PDE4A: variants seen among roughly 807,000 people sequenced by gnomAD.
The protein encoded by PDE4A is phosphodiesterase 4A.
In PDE4A, 21 loss-of-function variants were observed where a neutral mutation model predicts 73.9. That is an observed-to-expected ratio of 0.28 (90% CI 0.20 to 0.41). The LOEUF (loss-of-function observed/expected upper bound fraction) is 0.41. Among genes scored for constraint, PDE4A ranks in the 10% least tolerant of loss-of-function variants. The pLI, the probability that PDE4A is intolerant of heterozygous loss-of-function variation, is 1.00. For missense variants in PDE4A, 958 were observed against 1,211.4 expected, an observed-to-expected ratio of 0.79 and a Z score of 3.10; for synonymous variants, 463 against 505.4, an observed-to-expected ratio of 0.92 and a Z score of 1.13.
At chr19:10,417,292 G>A (rs2042597391), upstream of PDE4A, 1 of 984,926 alleles carries the variant, frequency 1.0e-6, no homozygotes, top group Admixed American at 6.2e-5. Flanking sequence ...TGTGAGGGAT[G>A]GGAGGGGGGC....
At position 10,446,730 on chromosome 19, in the gene PDE4A, G is replaced by A. The variant is rs139925281; in HGVS notation, c.512+321G>A. On this transcript the variant is annotated intron_variant, in intron 2 of 14. Coordinates refer to ENST00000380702, the MANE Select transcript of PDE4A (RefSeq NM_001111307.2). ...CTGCCTCAGCCTCCCGAGTAGCTGG[G>A]ACTACAGGCACCAGCCATCATGCCT... 5.3e-5 allele frequency among the ~76,000 whole-genome samples: 8 copies of A among 152,204 alleles called. No homozygotes were observed. In the East Asian group the frequency reaches 1.5e-3, roughly 29 times the overall value.
At chr19:10,466,838 A>G (rs200767098) in intron 14 of PDE4A, 49 bp from the exon 15 acceptor site, 2 of 1,573,908 alleles carry the variant, frequency 1.3e-6, no homozygotes, top group Non-Finnish European at 1.7e-6. Context: ...ATGTGGTGGT[A>G]TCATCCACCC....
chr19:10,418,012 C>T (rs1171625112), upstream of PDE4A: 9 of 904,914 alleles, frequency 9.9e-6, no homozygotes, highest in South Asian at 6.7e-5. Flanking sequence ...GGCTGTGACA[C>T]CCCTACCCCA....
intron 14 of PDE4A, among the ~76,000 whole-genome samples, chr19:10,464,829 A>AC (rs1040173100): frequency 3.4e-5 from 5 of 147,826 alleles, no homozygotes; most frequent in African/African-American, 1.3e-4. Flanking sequence ...ATGATCCTCC[A>AC]CCCCCGCCTC....
intron 1 of PDE4A, chr19:10,423,317 C>G (rs2042675152): frequency 1.1e-5 from 2 of 176,924 alleles, no homozygotes; most frequent in African/African-American, 4.8e-5. Flanking sequence ...CACCACCACA[C>G]CTGACTAATT....
At chr19:10,428,509 C>T (rs2042747098) in intron 1 of PDE4A, among the ~76,000 whole-genome samples, 1 of 152,148 alleles carries the variant, frequency 6.6e-6, no homozygotes, top group Admixed American at 6.5e-5. Context: ...ATCATCTATA[C>T]CCTCTAGCTA....
intron 1 of PDE4A, among the ~76,000 whole-genome samples, chr19:10,437,770 T>C (rs530649264): frequency 6.6e-6 from 1 of 150,876 alleles, no homozygotes; most frequent in African/African-American, 2.4e-5. Flanking sequence ...ACATTCACAT[T>C]GTTGTGCAAC....
upstream of PDE4A, chr19:10,417,903 G>A (rs1398929255): frequency 9.2e-6 from 14 of 1,530,042 alleles, no homozygotes; most frequent in African/African-American, 4.1e-5. Context: ...GGTGGGTTGG[G>A]GAGGCACAGT....
At chr19:10,418,881 C>T, upstream of PDE4A, 1 of 984,268 alleles carries the variant, frequency 1.0e-6, no homozygotes, top group Non-Finnish European at 1.2e-6. Flanking sequence ...CCCTAGAAGC[C>T]GTTTTGAGTG....
rs373772901 is a variant in PDE4A, at chr19:10,446,225, G to A, written c.328G>A (p.Ala110Thr). Residue 110 changes from alanine to threonine, a missense_variant, in exon 2 of 15, where the codon GCA (alanine) becomes ACA (threonine). By Grantham distance (58) the Ala-to-Thr change is moderately conservative. Transcript: ENST00000380702. ...CTCGCCCATCCCCTGCAGCTTCGAG[G>A]CAGAGAATGGGCCGACACCATCTCC... ...AGGGSSRRFE[A>T]ENGPTPSPGR... is the part of the protein sequence containing the mutation. 4 of 1,570,560 alleles carry A rather than the reference G, an allele frequency of 2.5e-6. No homozygotes were observed. The African/African-American group carries it at 5.4e-5, about 21-fold the overall frequency.
chr19:10,432,412 C>T, intron 1 of PDE4A: 1 of 1,393,966 alleles, frequency 7.2e-7, no homozygotes, highest in Non-Finnish European at 9.3e-7. Flanking sequence ...CCATGCGCGC[C>T]CCGACGACGG....
chr19:10,449,179 TG>T (rs1241091110), intron 4 of PDE4A, 29 bp downstream of exon 4: 2 of 1,608,910 alleles, frequency 1.2e-6, no homozygotes, highest in Non-Finnish European at 1.7e-6. Context: ...GCAACAGCTG[TG>T]ATCATAAGGT....
At position 10,420,919 on chromosome 19, in the gene PDE4A, C is replaced by T. The variant is rs1412756226; in HGVS notation, c.155C>T (p.Ala52Val). The change falls in exon 1 of 15, where the codon GCG becomes GTG. Residue 52 changes from alanine to valine, a missense_variant. Ala to Val is a moderately conservative substitution (Grantham distance 64). Transcript: ENST00000380702. This position sits in a 1 kb window ranked among gnomAD's most constrained non-coding sequence, Gnocchi z 6.0. Reference sequence around the variant, plus strand: ...CAGCAGCGCGGCTACTCCGACAGCGCGGAGCGCGCCGAGCGGGAGCGGCAG... The same window carrying T: ...CAGCAGCGCGGCTACTCCGACAGCGTGGAGCGCGCCGAGCGGGAGCGGCAG... ...RIQQRGYSDS[A>V]ERAERERQPH... is the part of the protein sequence containing the mutation. 1.3e-6 allele frequency: 2 copies of T among 1,581,460 alleles called. No homozygotes were observed. The highest frequency in any genetic ancestry group is 1.7e-6 in the Non-Finnish European group (2 of 1,172,958).
chr19:10,448,205 T>C (rs942616560), intron 2 of PDE4A, among the ~76,000 whole-genome samples: 1 of 151,362 alleles, frequency 6.6e-6, no homozygotes, highest in African/African-American at 2.4e-5. Flanking sequence ...GTTCAAGGGA[T>C]TCTCCTGCCT....
chr19:10,462,009 C>T lies in PDE4A; in HGVS notation c.1743+10C>T, dbSNP rs747369246. On this transcript the variant is annotated intron_variant, in intron 13 of 14. Coordinates refer to ENST00000380702, the MANE Select transcript of PDE4A (RefSeq NM_001111307.2). ...CTCCGACCGCATCCAGGTGCCCCCA[C>T]GCCCCATCATCTAAGGAGGGAGGAC... is the stretch of plus-strand genomic sequence containing the variant. 1.9e-6 allele frequency: 3 copies of T among 1,608,934 alleles called. No homozygotes were observed. Among genetic ancestry groups the T allele is most frequent in the East Asian group, 2.2e-5 (1 of 44,870 alleles).
At chr19:10,435,079 C>T (rs745422534) in intron 1 of PDE4A, among the ~76,000 whole-genome samples, 3 of 151,906 alleles carry the variant, frequency 2.0e-5, no homozygotes, top group Non-Finnish European at 4.4e-5. Flanking sequence ...CCCCCGCCCC[C>T]GCTCCCTAGC....
upstream of PDE4A, chr19:10,419,969 C>G (rs1008830935): frequency 6.5e-6 from 1 of 152,768 alleles, no homozygotes; most frequent in Non-Finnish European, 1.5e-5. Flanking sequence ...TGCGCACACA[C>G]ACTTCCAGCC....
chr19:10,463,876 C>T lies in PDE4A; in HGVS notation c.1827C>T (p.Ile609=), dbSNP rs993050875. 1.2e-6 allele frequency: 2 copies of T among 1,614,054 alleles called. No individual in the cohort carries two copies. Among genetic ancestry groups the T allele is most frequent in the African/African-American group, 2.7e-5 (2 of 74,924 alleles). The change falls in exon 14 of 15, where the codon ATC becomes ATT. Residue 609 remains isoleucine, a synonymous_variant. Coordinates refer to ENST00000380702, the MANE Select transcript of PDE4A (RefSeq NM_001111307.2). ...TGTACCGCCAGTGGACAGACCGCAT[C>T]ATGGCCGAGTTCTTCCAGCAGGGTG... ...LELYRQWTDR[I]MAEFFQQGDR... is the part of the protein sequence containing the mutation.
At position 10,459,675 on chromosome 19, in the gene PDE4A, C is replaced by T. The variant is rs1319367174; in HGVS notation, c.1281C>T (p.His427=). The T allele has an allele frequency of 7.4e-6, 12 of 1,614,102 alleles. No individual in the cohort carries two copies. Among genetic ancestry groups the T allele is most frequent in the African/African-American group, 1.3e-5 (1 of 74,944 alleles). Residue 427 remains histidine, a synonymous_variant, in exon 10 of 15, where the codon CAC becomes CAT. Transcript: ENST00000380702. ...TGCTGACGCTGGAGGATCACTACCA[C>T]GCTGACGTGGCCTACCATAACAGCC... ...TYMLTLEDHY[H]ADVAYHNSLH...
Sources: allele counts gnomAD v4.1 joint callset (sites outside exome capture counted in the v4.1 genomes callset), GRCh38; gene constraint gnomAD v4.1.1; non-coding constraint Gnocchi (gnomAD v3.1); transcripts MANE v1.5; gene names NCBI Gene and HGNC (gene_info 2026-07-23, HGNC 2026-07-21).